Variants in RBL2 observed in about 807,000 individuals in gnomAD.
RBL2 encodes retinoblastoma-like protein 2.
Under a neutral mutation model 126.0 loss-of-function variants are expected in RBL2, and 56 were observed. That is an observed-to-expected ratio of 0.44 (90% CI 0.36 to 0.56). The LOEUF (loss-of-function observed/expected upper bound fraction) is 0.56. Ranked by LOEUF, RBL2 falls within the 20% of genes least tolerant of loss-of-function variation. RBL2 has a pLI of 0.00. For synonymous variants in RBL2, 454 were observed against 478.5 expected (o/e 0.95, Z 0.67); for missense variants, 1,229 against 1,398.2 (o/e 0.88, Z 1.93).
In RBL2 at chr16:53,442,373, C is replaced by G. The variant is rs148475582; in HGVS notation, c.372-285C>G. The stretch of plus-strand genomic sequence containing the variant: ...TTTAAAAAATCTGGCAGTGAACCAA[C>G]GTGAATGTTGGTTAGGTTACTCTTG... On this transcript the variant is annotated intron_variant, in intron 2 of 21. Coordinates refer to ENST00000262133, the MANE Select transcript of RBL2 (RefSeq NM_005611.4). Among the ~76,000 whole-genome samples the G allele has an allele frequency of 4.0e-3, 608 of 152,180 alleles. 5 individuals are homozygous for G. The highest frequency in any genetic ancestry group is 0.014 in the African/African-American group (580 of 41,508).
At chr16:53,446,399 G>T (rs13336894) in intron 3 of RBL2, among the ~76,000 whole-genome samples, 1 of 152,070 alleles carries the variant, frequency 6.6e-6, no homozygotes, top group Non-Finnish European at 1.5e-5. Flanking sequence ...ACGGAATTTC[G>T]TTCTTCTGGG....
intron 13 of RBL2, among the ~76,000 whole-genome samples, chr16:53,466,496 G>A (rs2150809925): frequency 6.6e-6 from 1 of 151,766 alleles, no homozygotes; most frequent in South Asian, 2.1e-4. Flanking sequence ...TTGTTTTCCT[G>A]CAACTAGATG....
At chr16:53,435,048 C>T (rs1025482391) in intron 1 of RBL2, among the ~76,000 whole-genome samples, 90 of 152,286 alleles carry the variant, frequency 5.9e-4, no homozygotes, top group African/African-American at 2.0e-3. Flanking sequence ...GCTGAGATCG[C>T]GCTGGGGTCC....
intron 8 of RBL2, among the ~76,000 whole-genome samples, chr16:53,457,815 G>A (rs371067155): frequency 6.6e-6 from 1 of 152,322 alleles, no homozygotes; most frequent in South Asian, 2.1e-4. Flanking sequence ...TGACCTTGAG[G>A]ACTCTGGCAG....
chr16:53,438,820 G>A (rs1371170568), intron 1 of RBL2, among the ~76,000 whole-genome samples, 196 bp from the exon 2 acceptor site: 1 of 134,082 alleles, frequency 7.5e-6, no homozygotes, highest in Non-Finnish European at 1.5e-5. Context: ...CTCCAGCCTG[G>A]GTGACAGAGC....
rs1306046397 is a variant in RBL2 at position 53,439,045 on chromosome 16, C to T, written c.270C>T (p.Ala90=). Residue 90 remains alanine (A), a synonymous_variant, in exon 2 of 22, where the codon GCC becomes GCT. Coordinates refer to ENST00000262133, the MANE Select transcript of RBL2 (RefSeq NM_005611.4). Reference sequence around the variant, plus strand: ...ATGATCTTCATTGGTTAGCATGTGCCTTATATGTGGCTTGCAGAAAATCTG... The same window carrying T: ...ATGATCTTCATTGGTTAGCATGTGCTTTATATGTGGCTTGCAGAAAATCTG... ...EGNDLHWLAC[A]LYVACRKSVP... 2 of 1,602,620 alleles carry T rather than the reference C, an allele frequency of 1.2e-6. No homozygotes were observed. The highest frequency in any genetic ancestry group is 2.7e-5 in the African/African-American group (2 of 74,274).
intron 21 of RBL2, 57 bp downstream of exon 21, chr16:53,481,892 A>C: frequency 6.6e-7 from 1 of 1,519,978 alleles, no homozygotes; most frequent in Non-Finnish European, 9.1e-7. Flanking sequence ...AGATGCTAGA[A>C]ACAGGGTTTG....
At chr16:53,477,160 TA>T (rs1281736195) in intron 17 of RBL2, among the ~76,000 whole-genome samples, 2 of 152,282 alleles carry the variant, frequency 1.3e-5, no homozygotes. Context: ...TCCAGTGAGA[TA>T]TAGGAGTGTT....
intron 20 of RBL2, 59 bp downstream of exon 20, chr16:53,480,828 T>G: frequency 6.7e-7 from 1 of 1,498,956 alleles, no homozygotes. Flanking sequence ...AGGAATCATT[T>G]ATGATTTATA....
At chr16:53,443,580 A>G (rs1555564641) in intron 3 of RBL2, among the ~76,000 whole-genome samples, 1 of 152,132 alleles carries the variant, frequency 6.6e-6, no homozygotes, top group Non-Finnish European at 1.5e-5. Context: ...AGTGTTTTCT[A>G]CCTTTCCTGA....
At position 53,465,552 on chromosome 16, in the gene RBL2, C is replaced by A. The variant is rs2058264443; in HGVS notation, c.1813C>A (p.Leu605Ile). The A allele has an allele frequency of 6.2e-7, 1 of 1,602,022 alleles. No individual in the cohort carries two copies. Among genetic ancestry groups the A allele is most frequent in the Non-Finnish European group, 8.5e-7 (1 of 1,175,750 alleles). ...TTTGGCATGGAAACCAGAGTCTCCA[C>A]TCTGGGAAAAAATTAGAGACAATGA... ...DHLAWKPESP[L>I]WEKIRDNENR... The change falls in exon 13 of 22, where the codon CTC becomes ATC. Residue 605 changes from leucine to isoleucine, a missense_variant. By Grantham distance (5) the Leu-to-Ile change is conservative (BLOSUM62 2). This residue lies in a region of RBL2 where 1,070 missense variants were observed against 1,274.3 expected (regional missense o/e 0.84). Transcript: ENST00000262133.
rs544510573 is a variant in RBL2, at chr16:53,451,075, A to G, written c.638-628A>G. ...TCTTACAGTTTGAGATAATTTATAAATGTTTTGTGTTCAGAATTTTCAAAG... is the reference window on the plus strand; with the variant it reads ...TCTTACAGTTTGAGATAATTTATAAGTGTTTTGTGTTCAGAATTTTCAAAG... On this transcript the variant is annotated intron_variant, in intron 4 of 21. Transcript: ENST00000262133. Among the ~76,000 whole-genome samples the G allele has an allele frequency of 3.3e-5, 5 of 152,346 alleles. No individual in the cohort carries two copies. In the South Asian group the frequency reaches 1.0e-3, roughly 32 times the overall value.
chr16:53,438,131 G>C (rs1427306367), intron 1 of RBL2, among the ~76,000 whole-genome samples: 1 of 152,154 alleles, frequency 6.6e-6, no homozygotes, highest in Non-Finnish European at 1.5e-5. Flanking sequence ...AATTTGTTTT[G>C]GTCACAGGTT....
At chr16:53,446,786 C>T (rs889690935) in intron 3 of RBL2, among the ~76,000 whole-genome samples, 48 of 152,298 alleles carry the variant, frequency 3.2e-4, no homozygotes, top group African/African-American at 1.1e-3. Flanking sequence ...TTCCACCTCA[C>T]CTATCTTGCC....
At chr16:53,489,498 A>G (rs937402819) in intron 21 of RBL2, 1 of 146,846 alleles carries the variant, frequency 6.8e-6, no homozygotes, top group Non-Finnish European at 1.5e-5. Flanking sequence ...CTGTACAGCC[A>G]GCCCCAGTCT....
intron 21 of RBL2, among the ~76,000 whole-genome samples, chr16:53,487,331 G>C (rs1022669643): frequency 6.6e-6 from 1 of 152,140 alleles, no homozygotes; most frequent in African/African-American, 2.4e-5. Context: ...CAGTAGTGTT[G>C]GTGGAAGTAT....
chr16:53,443,778 G>A (rs1245521007), intron 3 of RBL2, among the ~76,000 whole-genome samples: 1 of 152,126 alleles, frequency 6.6e-6, no homozygotes, highest in Non-Finnish European at 1.5e-5. Flanking sequence ...TTCCCAGACT[G>A]TGAAGGATGT....
At chr16:53,486,143 AAAG>A (rs1452762354) in intron 21 of RBL2, among the ~76,000 whole-genome samples, 1 of 150,386 alleles carries the variant, frequency 6.6e-6, no homozygotes, top group Non-Finnish European at 1.5e-5. Context: ...AAAAAAAAAA[AAAG>A]CCAGGTGTGG....
At chr16:53,444,829 C>T (rs1041583926) in intron 3 of RBL2, among the ~76,000 whole-genome samples, 1 of 152,094 alleles carries the variant, frequency 6.6e-6, no homozygotes, top group African/African-American at 2.4e-5. Flanking sequence ...GCCTAGGTGA[C>T]AGAGTGAGAC....
Sources: gnomAD v4.1 joint callset for allele counts (sites outside exome capture counted in the v4.1 genomes callset) on GRCh38, gnomAD v4.1.1 for gene constraint, gnomAD v4.1.1 regional missense constraint, MANE v1.5 for transcripts, NCBI Gene and HGNC (gene_info 2026-07-23, HGNC 2026-07-21) for gene names.